The following DNM3 variants were observed in gnomAD, a reference collection of about 807,000 sequenced individuals.
DNM3 encodes the protein dynamin 3, also known as dynamin-3.
In DNM3, 47 loss-of-function variants were observed where a neutral mutation model predicts 101.6. That is an observed-to-expected ratio of 0.46 (90% CI 0.37 to 0.59). DNM3 has a LOEUF of 0.59. Among genes scored for constraint, DNM3 ranks in the 20% least tolerant of loss-of-function variants. The pLI is 0.00. For missense variants in DNM3, 849 were observed against 1,085.7 expected (o/e 0.78, Z 3.06); for synonymous variants, 385 against 387.9 (o/e 0.99, Z 0.09).
intron 14 of DNM3, among the ~76,000 whole-genome samples, chr1:172,195,178 C>A (rs1157252903): frequency 6.6e-6 from 1 of 151,886 alleles, no homozygotes; most frequent in African/African-American, 2.4e-5. Flanking sequence ...AGAGAAGAAA[C>A]ATCCAAACCA....
chr1:172,190,053 G>A (rs1215609288), intron 14 of DNM3, among the ~76,000 whole-genome samples: 1 of 144,382 alleles, frequency 6.9e-6, no homozygotes, highest in African/African-American at 2.6e-5. Context: ...GGGTACATGT[G>A]CACAACGTGC....
At chr1:172,328,974 C>G (rs2066063925) in intron 17 of DNM3, among the ~76,000 whole-genome samples, 1 of 152,068 alleles carries the variant, frequency 6.6e-6, no homozygotes, top group Non-Finnish European at 1.5e-5. Flanking sequence ...CCCATCATGC[C>G]TGGCTGATTT....
chr1:171,879,029 C>T (rs2036029428), intron 1 of DNM3, among the ~76,000 whole-genome samples: 1 of 152,178 alleles, frequency 6.6e-6, no homozygotes, highest in Non-Finnish European at 1.5e-5. Context: ...TATGCAAGTG[C>T]ACTTAATTTT....
At position 172,068,873 on chromosome 1, in the gene DNM3, A is replaced by G. The variant is rs774632864; in HGVS notation, c.1390A>G (p.Ile464Val). Residue 464 changes from isoleucine to valine, a missense_variant, in exon 11 of 21, where the codon ATT (isoleucine) becomes GTT (valine). Around this residue, in one of 5 missense-constraint regions of DNM3, gnomAD observed 193 missense variants for 238.4 expected, o/e 0.81. Transcript: ENST00000627582. ...AACGGAAAGGATTGTTGCTAACCAC[A>G]TTCGTGAGCGAGAAGGGAAGACAAA... ...EETERIVANH[I>V]REREGKTKDQ... The G allele has an allele frequency of 7.0e-6, 11 of 1,571,312 alleles. No individual in the cohort carries two copies. The South Asian group carries it at 1.2e-4, about 17-fold the overall frequency.
At chr1:172,152,174 G>A (rs1053581758) in intron 14 of DNM3, among the ~76,000 whole-genome samples, 5 of 152,002 alleles carry the variant, frequency 3.3e-5, no homozygotes, top group South Asian at 2.1e-4. Context: ...ATAAGCCACC[G>A]TGCTGGCTAA....
intron 15 of DNM3, among the ~76,000 whole-genome samples, chr1:172,278,586 T>A (rs1485314278): frequency 6.6e-6 from 1 of 152,150 alleles, no homozygotes; most frequent in Non-Finnish European, 1.5e-5. Context: ...CACTATACAT[T>A]TTTTGCCATG....
intron 11 of DNM3, among the ~76,000 whole-genome samples, chr1:172,069,651 A>G (rs1020077234): frequency 6.6e-6 from 1 of 152,258 alleles, no homozygotes; most frequent in Non-Finnish European, 1.5e-5. Flanking sequence ...ATGGTTTTAC[A>G]TACCCTTGAA....
chr1:172,354,112 T>TGTGAGAGA (rs138540712), intron 17 of DNM3, among the ~76,000 whole-genome samples: 1,034 of 94,950 alleles, frequency 0.011, 25 homozygotes, highest in South Asian at 0.071. Flanking sequence ...TGTGTGTGTG[T>TGTGAGAGA]GAGAGAGAGA....
chr1:171,870,056 A>G (rs2035125069), intron 1 of DNM3, among the ~76,000 whole-genome samples: 1 of 152,172 alleles, frequency 6.6e-6, no homozygotes, highest in African/African-American at 2.4e-5. Flanking sequence ...CCATTGAAGA[A>G]CTAGCCATGG....
At chr1:172,093,451 C>G (rs1436696162) in intron 13 of DNM3, among the ~76,000 whole-genome samples, 1 of 152,154 alleles carries the variant, frequency 6.6e-6, no homozygotes, top group Non-Finnish European at 1.5e-5. Flanking sequence ...TGTATTAACT[C>G]AACAGTTTGC....
intron 17 of DNM3, among the ~76,000 whole-genome samples, chr1:172,348,428 G>A (rs2148977312): frequency 6.6e-6 from 1 of 152,260 alleles, no homozygotes; most frequent in East Asian, 1.9e-4. Context: ...ACCTACAAAG[G>A]AGTGGAATTA....
At chr1:172,025,104 A>G (rs546221481) in intron 4 of DNM3, among the ~76,000 whole-genome samples, 20 of 152,206 alleles carry the variant, frequency 1.3e-4, no homozygotes, top group African/African-American at 4.8e-4. Context: ...GGGACGCTTG[A>G]GCTTTGTTTG....
intron 17 of DNM3, among the ~76,000 whole-genome samples, chr1:172,334,768 A>G (rs2066345237): frequency 6.6e-6 from 1 of 151,990 alleles, no homozygotes; most frequent in South Asian, 2.1e-4. Context: ...ACAGATTTTC[A>G]TACTTGGGCT....
intron 6 of DNM3, among the ~76,000 whole-genome samples, chr1:172,033,807 G>A (rs2048777108): frequency 6.6e-6 from 1 of 151,964 alleles, no homozygotes; most frequent in African/African-American, 2.4e-5. Context: ...TTAGAATTGG[G>A]CCTTCTGCCT....
chr1:171,890,122 G>A (rs921988352), intron 1 of DNM3, among the ~76,000 whole-genome samples: 2 of 152,178 alleles, frequency 1.3e-5, no homozygotes, highest in African/African-American at 4.8e-5. Flanking sequence ...ATTATTTAGA[G>A]TATGATGAAT....
At chr1:172,015,379 T>C (rs1467811744) in intron 4 of DNM3, among the ~76,000 whole-genome samples, 1 of 152,218 alleles carries the variant, frequency 6.6e-6, no homozygotes, top group Non-Finnish European at 1.5e-5. Flanking sequence ...CTTTGCAATA[T>C]TGAGTCTTTC....
At chr1:172,214,447 A>G (rs546340554) in intron 14 of DNM3, among the ~76,000 whole-genome samples, 1 of 152,178 alleles carries the variant, frequency 6.6e-6, no homozygotes, top group East Asian at 1.9e-4. Flanking sequence ...AGTATAATAA[A>G]AAAAAAGAAA....
At chr1:171,972,815 C>T (rs1377910093) in intron 2 of DNM3, among the ~76,000 whole-genome samples, 1 of 151,926 alleles carries the variant, frequency 6.6e-6, no homozygotes, top group Non-Finnish European at 1.5e-5. Flanking sequence ...CACCATTGCA[C>T]TCCAGCCTGG....
chr1:171,998,937 A>T (rs2046188547), intron 4 of DNM3, among the ~76,000 whole-genome samples: 1 of 152,088 alleles, frequency 6.6e-6, no homozygotes, highest in South Asian at 2.1e-4. Context: ...ACTCAGCAGA[A>T]AAGTGTGGTT....
Sources: gnomAD v4.1 joint callset for allele counts (sites outside exome capture counted in the v4.1 genomes callset) on GRCh38, gnomAD v4.1.1 for gene constraint, gnomAD v4.1.1 regional missense constraint, MANE v1.5 for transcripts, NCBI Gene and HGNC (gene_info 2026-07-23, HGNC 2026-07-21) for gene names.